USP15: variants seen among roughly 807,000 people sequenced by gnomAD.
USP15 encodes the protein ubiquitin specific peptidase 15.
In USP15, 18 loss-of-function variants were observed where a neutral mutation model predicts 127.1. The ratio of observed to expected loss-of-function variants is 0.14; its 90% CI spans 0.10 to 0.21. The LOEUF (loss-of-function observed/expected upper bound fraction) is 0.21, where lower values mean the gene tolerates loss of function less well. Among genes scored for constraint, USP15 ranks in the 10% least tolerant of loss-of-function variants. The pLI is 1.00. For synonymous variants in USP15, 364 were observed against 393.7 expected (o/e 0.92, Z 0.89); for missense variants, 805 against 1,159.9 (o/e 0.69, Z 4.44).
intron 1 of USP15, among the ~76,000 whole-genome samples, chr12:62,263,357 A>G (rs1169333437): frequency 2.6e-5 from 4 of 152,222 alleles, no homozygotes; most frequent in Non-Finnish European, 1.5e-5. Flanking sequence ...AGTTATAGTC[A>G]TATGCATCAC....
chr12:62,330,166 G>A (rs889537203), intron 6 of USP15, among the ~76,000 whole-genome samples: 3 of 152,088 alleles, frequency 2.0e-5, no homozygotes, highest in African/African-American at 7.2e-5. Context: ...AATCGGAGTA[G>A]AGATAATAGG....
intron 6 of USP15, among the ~76,000 whole-genome samples, chr12:62,346,747 T>C (rs2065828984): frequency 6.6e-6 from 1 of 152,216 alleles, no homozygotes; most frequent in African/African-American, 2.4e-5. Flanking sequence ...CACAATTGGA[T>C]AAAATCCAGA....
intron 11 of USP15, among the ~76,000 whole-genome samples, chr12:62,385,398 G>C (rs2067116753): frequency 1.3e-5 from 2 of 151,824 alleles, no homozygotes; most frequent in South Asian, 4.1e-4. Context: ...GATGTATTTG[G>C]GTTTATTGTC....
intron 3 of USP15, chr12:62,304,608 T>C (rs1033890652): frequency 2.5e-6 from 1 of 399,220 alleles, no homozygotes; most frequent in Middle Eastern, 3.6e-4. Context: ...CCCCTAGCTA[T>C]AATGCAGAAA....
chr12:62,325,533 C>A (rs1012770711), intron 5 of USP15, among the ~76,000 whole-genome samples: 2 of 152,040 alleles, frequency 1.3e-5, no homozygotes, highest in African/African-American at 4.8e-5. Flanking sequence ...GTTCAACCTA[C>A]AAATACAAAT....
rs1174071590 is a variant in USP15, at chr12:62,294,278, A to G, written c.189A>G (p.Gly63=). 1.2e-6 allele frequency: 2 copies of G among 1,612,722 alleles called. No individual in the cohort carries two copies. The highest frequency in any genetic ancestry group is 2.7e-5 in the African/African-American group (2 of 74,858). Residue 63 remains glycine, a synonymous_variant, in exon 2 of 22, where the codon GGA becomes GGG. Coordinates refer to ENST00000280377, the MANE Select transcript of USP15 (RefSeq NM_001252078.2). Reference sequence around the variant, plus strand: ...TGGGAGATCAAAATGTGTATCCTGGACCCATTGATAACTCTGGACTTCTCA... The same window carrying G: ...TGGGAGATCAAAATGTGTATCCTGGGCCCATTGATAACTCTGGACTTCTCA... ...YQMGDQNVYP[G]PIDNSGLLKD... is the part of the protein sequence containing the mutation.
At position 62,406,395 on chromosome 12, in the gene USP15, T is replaced by C. The variant is rs991006510; in HGVS notation, c.*2020T>C. 1.3e-5 allele frequency: 2 copies of C among 152,220 alleles called. No homozygotes were observed. The highest frequency in any genetic ancestry group is 1.3e-4 in the Admixed American group (2 of 15,272). The allele number at this position is 152,220 out of a possible 1,614,324, so 9.4% of individuals were successfully genotyped here. ...CCTTACCTTCACAGAGCTTACATTC[T>C]TTCTGCCATCTACCAACTAATGAAC... On this transcript the variant is annotated 3_prime_UTR_variant, in exon 22 of 22. Transcript: ENST00000280377.
chr12:62,310,221 A>G lies in USP15; in HGVS notation c.349-4569A>G, dbSNP rs116486949. Among the ~76,000 whole-genome samples, 1,237 of 152,078 alleles carry G rather than the reference A, an allele frequency of 8.1e-3. 17 individuals carry two copies. The highest frequency in any genetic ancestry group is 0.028 in the African/African-American group (1,149 of 41,550). On this transcript the variant is annotated intron_variant, in intron 3 of 21. Coordinates refer to ENST00000280377, the MANE Select transcript of USP15 (RefSeq NM_001252078.2). ...ACATGAGAAAATCTGTTACATATAT[A>G]TAATAAGTAGTAATGAAGTCAGGGT...
At chr12:62,289,387 G>A (rs941180692) in intron 1 of USP15, among the ~76,000 whole-genome samples, 2 of 152,050 alleles carry the variant, frequency 1.3e-5, no homozygotes, top group Non-Finnish European at 2.9e-5. Context: ...TCTAGTTTGT[G>A]CATGTAGTGA....
intron 8 of USP15, among the ~76,000 whole-genome samples, chr12:62,358,159 T>TA (rs199913464): frequency 5.2e-4 from 77 of 147,960 alleles, no homozygotes; most frequent in Middle Eastern, 3.5e-3. Flanking sequence ...TAACATATGT[T>TA]AAAAAAAAAA....
chr12:62,379,553 A>G (rs1354722256), intron 8 of USP15, among the ~76,000 whole-genome samples: 1 of 152,162 alleles, frequency 6.6e-6, no homozygotes, highest in Non-Finnish European at 1.5e-5. Context: ...TTAAGTTATA[A>G]CAAAGTTTAA....
In USP15 at chr12:62,412,352, A is replaced by G. The variant is rs533851312; in HGVS notation, c.*7977A>G. 2 of 152,272 alleles carry G rather than the reference A, an allele frequency of 1.3e-5. No individual in the cohort carries two copies. The highest frequency in any genetic ancestry group is 4.8e-5 in the African/African-American group (2 of 41,540). The allele number at this position is 152,272 out of a possible 1,614,324, so 9.4% of individuals were successfully genotyped here. The stretch of plus-strand genomic sequence containing the variant: ...GCTGAAGGTTAGGGTGGCCGTGGCA[A>G]TTTTTTACAATAAGACAGTAGTGAA... On this transcript the variant is annotated 3_prime_UTR_variant, in exon 22 of 22. Coordinates refer to ENST00000280377, the MANE Select transcript of USP15 (RefSeq NM_001252078.2).
chr12:62,373,398 A>C (rs1592690734), intron 8 of USP15, among the ~76,000 whole-genome samples: 1 of 152,118 alleles, frequency 6.6e-6, no homozygotes, highest in African/African-American at 2.4e-5. Context: ...TTGAATTCAA[A>C]TAGTATGTGA....
intron 18 of USP15, 113 bp from the exon 19 acceptor site, chr12:62,392,940 A>G: frequency 1.7e-6 from 2 of 1,186,120 alleles, no homozygotes; most frequent in Admixed American, 2.4e-5. Flanking sequence ...TAGGCATACT[A>G]TAATTGCCCA....
At chr12:62,299,197 G>A (rs752572078) in intron 2 of USP15, among the ~76,000 whole-genome samples, 7 of 151,976 alleles carry the variant, frequency 4.6e-5, no homozygotes, top group East Asian at 1.9e-4. Context: ...TGCAACCTCC[G>A]CATCCCAGGT....
rs566571699 is a variant in USP15 at position 62,328,054 on chromosome 12, A to G, written c.683+2121A>G. ...GATACATCCTGTGCACCTCAAGTCT[A>G]TAGCAAAAGTTACATTTCATTGAGA... On this transcript the variant is annotated intron_variant, in intron 6 of 21. Coordinates refer to ENST00000280377, the MANE Select transcript of USP15 (RefSeq NM_001252078.2). Among the ~76,000 whole-genome samples the G allele has an allele frequency of 2.0e-5, 3 of 152,328 alleles. 1 individual carries two copies. In the South Asian group the frequency reaches 6.2e-4, roughly 32 times the overall value.
chr12:62,339,892 G>A (rs1242605290), intron 6 of USP15, among the ~76,000 whole-genome samples: 1 of 152,096 alleles, frequency 6.6e-6, no homozygotes, highest in Non-Finnish European at 1.5e-5. Context: ...GGATGATGCT[G>A]GCCCCATAAA....
At chr12:62,386,827 A>G (rs2067163870) in intron 11 of USP15, among the ~76,000 whole-genome samples, 3 of 152,170 alleles carry the variant, frequency 2.0e-5, no homozygotes, top group Admixed American at 2.0e-4. Flanking sequence ...ATCAGTTAGA[A>G]AAGGCTTAGT....
intron 1 of USP15, among the ~76,000 whole-genome samples, chr12:62,272,895 C>G (rs574317969): frequency 2.6e-5 from 4 of 152,118 alleles, no homozygotes; most frequent in African/African-American, 9.6e-5. Flanking sequence ...TTTGATCGTT[C>G]CAGTAATCTT....
Sources: gnomAD v4.1 joint callset for allele counts (sites outside exome capture counted in the v4.1 genomes callset) on GRCh38, gnomAD v4.1.1 for gene constraint, MANE v1.5 for transcripts, NCBI Gene and HGNC (gene_info 2026-07-23, HGNC 2026-07-21) for gene names.